Variants in GDA observed in about 807,000 individuals in gnomAD.
GDA encodes the protein cytoplasmic PSD-95 interactor.
In GDA, 18 loss-of-function variants were observed where a neutral mutation model predicts 59.6. The observed-to-expected ratio is 0.30, with a 90% CI of 0.21 to 0.45. The LOEUF is 0.45. Ranked by LOEUF, GDA falls within the 20% of genes least tolerant of loss-of-function variation. The pLI, the probability that GDA is intolerant of heterozygous loss-of-function variation, is 1.00. For synonymous variants in GDA, 201 were observed against 201.1 expected (o/e 1.00, Z 0.00); for missense variants, 427 against 552.3 (o/e 0.77, Z 2.27).
intron 1 of GDA, among the ~76,000 whole-genome samples, chr9:72,173,552 A>G (rs1053490651): frequency 1.3e-5 from 2 of 151,900 alleles, no homozygotes; most frequent in Non-Finnish European, 2.9e-5. Flanking sequence ...GCTGGTCTCA[A>G]ACTCCTGACC....
chr9:72,168,998 T>C (rs530382579), intron 1 of GDA, among the ~76,000 whole-genome samples: 94 of 152,360 alleles, frequency 6.2e-4, no homozygotes, highest in African/African-American at 2.2e-3. Flanking sequence ...GTCACCAGCC[T>C]CTGTTACAAG....
At chr9:72,230,070 TGA>T (rs1325653560) in intron 9 of GDA, among the ~76,000 whole-genome samples, 1 of 152,238 alleles carries the variant, frequency 6.6e-6, no homozygotes, top group East Asian at 1.9e-4. Context: ...CTCCAGCAAC[TGA>T]GAGATTTATT....
intron 5 of GDA, among the ~76,000 whole-genome samples, chr9:72,218,008 G>A (rs1836355407): frequency 6.6e-6 from 1 of 151,754 alleles, no homozygotes; most frequent in South Asian, 2.1e-4. Context: ...CCCACTCCCG[G>A]GTTTAAACAA....
intron 1 of GDA, among the ~76,000 whole-genome samples, chr9:72,174,893 T>C (rs1416320552): frequency 6.6e-6 from 1 of 151,966 alleles, no homozygotes; most frequent in Admixed American, 6.6e-5. Context: ...TTGGCATTAA[T>C]TGGACAGGAA....
intron 2 of GDA, among the ~76,000 whole-genome samples, chr9:72,200,256 A>G (rs1833813491): frequency 6.6e-6 from 1 of 151,980 alleles, no homozygotes; most frequent in Non-Finnish European, 1.5e-5. Context: ...TTGGCCTCCC[A>G]AAGTGCTGGG....
At chr9:72,216,546 CTG>C (rs1280998620) in intron 5 of GDA, among the ~76,000 whole-genome samples, 3 of 152,094 alleles carry the variant, frequency 2.0e-5, no homozygotes, top group Non-Finnish European at 4.4e-5. Context: ...TTTAAAAACA[CTG>C]TGCTAAGACA....
At chr9:72,236,437 T>A (rs77107793) in intron 10 of GDA, among the ~76,000 whole-genome samples, 4,150 of 152,244 alleles carry the variant, frequency 0.027, 215 homozygotes, top group African/African-American at 0.096. Flanking sequence ...GCCTCCCTCA[T>A]ATCATAAGTT....
chr9:72,223,374 A>T, intron 7 of GDA, 147 bp downstream of exon 7: 1 of 571,212 alleles, frequency 1.8e-6, no homozygotes, highest in Non-Finnish European at 3.1e-6. Flanking sequence ...GCATAACAGG[A>T]GAGAAAGGAC....
intron 1 of GDA, among the ~76,000 whole-genome samples, chr9:72,123,288 A>G (rs1825732154): frequency 1.4e-5 from 2 of 145,896 alleles, no homozygotes; most frequent in South Asian, 4.3e-4. Context: ...GGTTCACGCC[A>G]TTCTCCTGCC....
chr9:72,195,746 G>A (rs1833100249), intron 2 of GDA, among the ~76,000 whole-genome samples, 158 bp downstream of exon 2: 1 of 152,136 alleles, frequency 6.6e-6, no homozygotes, highest in Non-Finnish European at 1.5e-5. Context: ...GGAAGGAGAA[G>A]GTATACAGGA....
At chr9:72,228,603 A>G (rs1837902082) in intron 9 of GDA, 1 of 152,900 alleles carries the variant, frequency 6.5e-6, no homozygotes. Context: ...AATGAAAGTT[A>G]TTGCCTGGGC....
chr9:72,124,132 A>G (rs1236154039), intron 1 of GDA, among the ~76,000 whole-genome samples: 2 of 152,190 alleles, frequency 1.3e-5, no homozygotes, highest in African/African-American at 4.8e-5. Context: ...AAGAGAAAAC[A>G]TGGAAAAGAA....
intron 2 of GDA, among the ~76,000 whole-genome samples, chr9:72,200,374 TTCC>T (rs1210048090): frequency 6.6e-6 from 1 of 151,774 alleles, no homozygotes; most frequent in Admixed American, 6.6e-5. Flanking sequence ...CCTCCTCCTC[TTCC>T]TCCTCCTCCT....
chr9:72,153,146 G>T (rs1049583532), intron 1 of GDA, among the ~76,000 whole-genome samples: 1 of 151,776 alleles, frequency 6.6e-6, no homozygotes, highest in African/African-American at 2.4e-5. Context: ...TTCCATTGAT[G>T]TATATCTCTG....
chr9:72,160,202 C>G (rs942077464), intron 1 of GDA, among the ~76,000 whole-genome samples: 1 of 151,988 alleles, frequency 6.6e-6, no homozygotes, highest in African/African-American at 2.4e-5. Flanking sequence ...CCTAGCTACT[C>G]GGAAGCTGAG....
intron 2 of GDA, among the ~76,000 whole-genome samples, chr9:72,198,846 G>GATATAT (rs141544036): frequency 3.9e-5 from 5 of 128,574 alleles, no homozygotes; most frequent in Admixed American, 7.4e-5. Context: ...TATATAGGGG[G>GATATAT]ATATATATAT....
chr9:72,180,463 T>C (rs1831052857), intron 1 of GDA, among the ~76,000 whole-genome samples: 2 of 152,338 alleles, frequency 1.3e-5, no homozygotes, highest in Admixed American at 1.3e-4. Context: ...ATACAGTCTA[T>C]TGAGATCAAC....
chr9:72,251,066 A>G lies in GDA; in HGVS notation c.*2724A>G. ...TCTCATTGAATTATCAGACCCCAAG[A>G]GGAGATATTGGAACAGGCTCCCTTC... On this transcript the variant is annotated 3_prime_UTR_variant, in exon 14 of 14. Transcript: ENST00000358399. 2.1e-6 allele frequency: 1 copy of G among 479,660 alleles called. No individual in the cohort carries two copies. The highest frequency in any genetic ancestry group is 3.7e-6 in the Non-Finnish European group (1 of 268,222). 29.7% of individuals were successfully genotyped at this position (479,660 alleles called of 1,614,324 possible). A position where few individuals can be genotyped will look rare whatever the true frequency, so the allele number is the denominator to read the frequency against.
Position 72,221,546 on chromosome 9 carries a change from T to C in GDA, c.607-1574T>C, listed in dbSNP as rs376421987. On this transcript the variant is annotated intron_variant, in intron 6 of 13. Transcript: ENST00000358399. ...GTACCCTTCACATTCATGATATCCA[T>C]AGTTTCCTTTTTTTGAAAAAACTTT... is the stretch of plus-strand genomic sequence containing the variant. 7.9e-5 allele frequency among the ~76,000 whole-genome samples: 12 copies of C among 152,342 alleles called. No homozygotes were observed. The South Asian group carries it at 1.9e-3, about 24-fold the overall frequency.
Sources: gnomAD v4.1 joint callset for allele counts (sites outside exome capture counted in the v4.1 genomes callset) on GRCh38, gnomAD v4.1.1 for gene constraint, MANE v1.5 for transcripts, NCBI Gene and HGNC (gene_info 2026-07-23, HGNC 2026-07-21) for gene names.